AUTS2: variants seen among roughly 807,000 people sequenced by gnomAD.
AUTS2 encodes activator of transcription and developmental regulator AUTS2.
Under a neutral mutation model 112.4 loss-of-function variants are expected in AUTS2, and 17 were observed. That is an observed-to-expected ratio of 0.15 (90% CI 0.10 to 0.23). AUTS2 has a LOEUF of 0.23. Among genes scored for constraint, AUTS2 ranks in the 10% least tolerant of loss-of-function variants. The probability of loss-of-function intolerance (pLI) is 1.00; values close to 1 mark genes in which losing one functional copy is unlikely to be tolerated. For synonymous variants in AUTS2, 751 were observed against 702.7 expected, an observed-to-expected ratio of 1.07 and a Z score of -1.09; for missense variants, 1,510 against 1,701.6, an observed-to-expected ratio of 0.89 and a Z score of 1.98.
intron 1 of AUTS2, among the ~76,000 whole-genome samples, chr7:69,749,454 CTT>C (rs1787645955): frequency 1.3e-5 from 2 of 151,772 alleles, no homozygotes; most frequent in African/African-American, 4.9e-5. Context: ...CACCACCTTT[CTT>C]CCCTTCCTTC....
intron 11 of AUTS2, among the ~76,000 whole-genome samples, chr7:70,771,934 C>T (rs954213593): frequency 3.3e-5 from 5 of 152,122 alleles, no homozygotes; most frequent in African/African-American, 4.8e-5. Flanking sequence ...CTACCAATAT[C>T]GTGGACATAA....
At chr7:70,175,222 T>C (rs1017724275) in intron 4 of AUTS2, among the ~76,000 whole-genome samples, 1 of 152,192 alleles carries the variant, frequency 6.6e-6, no homozygotes, top group African/African-American at 2.4e-5. Flanking sequence ...CATGGAAATA[T>C]CAAGAGAACT....
intron 6 of AUTS2, among the ~76,000 whole-genome samples, chr7:70,733,311 C>T (rs765967090): frequency 2.6e-5 from 4 of 152,296 alleles, no homozygotes; most frequent in South Asian, 2.1e-4. Flanking sequence ...TTACATCACT[C>T]AGAGTCATGG....
At chr7:69,699,631 G>A (rs935246736) in intron 1 of AUTS2, among the ~76,000 whole-genome samples, 9 of 149,100 alleles carry the variant, frequency 6.0e-5, no homozygotes, top group Admixed American at 6.0e-4. Flanking sequence ...TGATGCTGCA[G>A]TGATAATGTT....
intron 1 of AUTS2, among the ~76,000 whole-genome samples, chr7:69,785,384 A>G (rs571730015): frequency 4.6e-5 from 7 of 152,366 alleles, no homozygotes; most frequent in African/African-American, 1.2e-4. Flanking sequence ...CAAAATTGCT[A>G]TAAAATTGTT....
intron 1 of AUTS2, among the ~76,000 whole-genome samples, chr7:69,709,437 C>T (rs926679975): frequency 2.0e-5 from 3 of 152,056 alleles, no homozygotes; most frequent in African/African-American, 4.8e-5. Context: ...GCAGTACAGC[C>T]GGAAATTTTC....
intron 2 of AUTS2, among the ~76,000 whole-genome samples, chr7:70,060,471 G>A (rs1220946213): frequency 6.6e-6 from 1 of 152,176 alleles, no homozygotes; most frequent in Non-Finnish European, 1.5e-5. Context: ...TGTGTTGTAA[G>A]CGAGAAAGAC....
At chr7:70,618,984 T>C (rs1354481189) in intron 5 of AUTS2, among the ~76,000 whole-genome samples, 1 of 152,160 alleles carries the variant, frequency 6.6e-6, no homozygotes, top group Non-Finnish European at 1.5e-5. Context: ...ACACTGTGTA[T>C]GTACATACAC....
At chr7:69,750,327 A>C (rs971326941) in intron 1 of AUTS2, among the ~76,000 whole-genome samples, 7 of 151,222 alleles carry the variant, frequency 4.6e-5, no homozygotes, top group South Asian at 2.1e-4. Context: ...TTCTGAGCCA[A>C]GTATTTCCAC....
At position 70,790,202 on chromosome 7, in the gene AUTS2, G is replaced by T; in HGVS notation, c.2986G>T (p.Ala996Ser). The change falls in exon 19 of 19, where the codon GCC (alanine) becomes TCC (serine). Residue 996 changes from alanine to serine, a missense_variant. Physicochemically the swap from Ala to Ser is moderately conservative, Grantham distance 99. Coordinates refer to ENST00000342771, the MANE Select transcript of AUTS2 (RefSeq NM_015570.4). The surrounding 1 kb of genome is among the most constrained non-coding windows in gnomAD (Gnocchi z 7.6). ...RKEDHDLPPE[A>S]PQTHRASEPP... ...GGAAGACCATGACCTGCCTCCAGAG[G>T]CCCCGCAGACCCACCGGGCCTCGGA... is the stretch of plus-strand genomic sequence containing the variant. 6.2e-7 allele frequency: 1 copy of T among 1,612,558 alleles called. No individual in the cohort carries two copies. Among genetic ancestry groups the T allele is most frequent in the Non-Finnish European group, 8.5e-7 (1 of 1,179,746 alleles).
At chr7:70,447,850 T>G (rs549300903) in intron 5 of AUTS2, among the ~76,000 whole-genome samples, 2 of 152,384 alleles carry the variant, frequency 1.3e-5, no homozygotes, top group South Asian at 4.1e-4. Flanking sequence ...GTTAGCACAT[T>G]ACTTGCATGC....
intron 2 of AUTS2, among the ~76,000 whole-genome samples, chr7:69,949,049 C>T (rs539040055): frequency 5.3e-5 from 8 of 152,140 alleles, no homozygotes; most frequent in East Asian, 1.9e-4. Flanking sequence ...TTAAGTAATC[C>T]GCCTGCCTTG....
At chr7:70,298,475 T>C (rs1039581790) in intron 4 of AUTS2, among the ~76,000 whole-genome samples, 1 of 152,184 alleles carries the variant, frequency 6.6e-6, no homozygotes, top group Non-Finnish European at 1.5e-5. Flanking sequence ...AAGCAGCCAT[T>C]TTAGTGCTTT....
At position 70,763,181 on chromosome 7, in the gene AUTS2, C is replaced by T; in HGVS notation, c.1054C>T (p.Pro352Ser). 7.4e-6 allele frequency: 12 copies of T among 1,614,002 alleles called. No individual in the cohort carries two copies. The highest frequency in any genetic ancestry group is 1.0e-5 in the Non-Finnish European group (12 of 1,179,950). Reference protein sequence around the residue: ...PQGPPEAQLQPAPQPQVQRPP... With the variant: ...PQGPPEAQLQSAPQPQVQRPP... ...GGGCCCTCCTGAGGCCCAGCTCCAG[C>T]CTGCCCCGCAGCCTCAGGTGCAGAG... is the stretch of plus-strand genomic sequence containing the variant. Residue 352 changes from proline to serine, a missense_variant, in exon 7 of 19, where the codon CCT becomes TCT. Coordinates refer to ENST00000342771, the MANE Select transcript of AUTS2 (RefSeq NM_015570.4).
At chr7:70,485,039 G>C (rs1027079514) in intron 5 of AUTS2, among the ~76,000 whole-genome samples, 1 of 152,218 alleles carries the variant, frequency 6.6e-6, no homozygotes, top group African/African-American at 2.4e-5. Context: ...TGATGGGAAT[G>C]TAAACTGGTA....
At chr7:70,110,890 T>C (rs1429747315) in intron 2 of AUTS2, among the ~76,000 whole-genome samples, 1 of 131,674 alleles carries the variant, frequency 7.6e-6, no homozygotes, top group Non-Finnish European at 1.6e-5. Context: ...TTTTTGAGAG[T>C]CTCGCTCTGT....
intron 1 of AUTS2, among the ~76,000 whole-genome samples, chr7:69,841,650 G>C (rs1458034638): frequency 6.6e-6 from 1 of 152,218 alleles, no homozygotes; most frequent in Non-Finnish European, 1.5e-5. Flanking sequence ...AAAAGCCAGT[G>C]TCGTGAAACA....
chr7:70,565,542 T>C (rs1341640433), intron 5 of AUTS2, among the ~76,000 whole-genome samples: 1 of 152,068 alleles, frequency 6.6e-6, no homozygotes, highest in Admixed American at 6.5e-5. Context: ...TAGCCCAGTG[T>C]GGCAGTGCAT....
At chr7:70,418,841 A>AT (rs896949090) in intron 4 of AUTS2, among the ~76,000 whole-genome samples, 2 of 150,950 alleles carry the variant, frequency 1.3e-5, no homozygotes, top group South Asian at 2.1e-4. Context: ...TGTTTGGTGC[A>AT]TTTTTTTCCA....
Sources: gnomAD v4.1 joint callset for allele counts (sites outside exome capture counted in the v4.1 genomes callset) on GRCh38, gnomAD v4.1.1 for gene constraint, Gnocchi (gnomAD v3.1) non-coding constraint, MANE v1.5 for transcripts, NCBI Gene and HGNC (gene_info 2026-07-23, HGNC 2026-07-21) for gene names.